Variants in CACHD1 observed in about 807,000 individuals in gnomAD.
The protein encoded by CACHD1 is cache domain containing 1.
A neutral mutation model predicts 138.7 loss-of-function variants in CACHD1; 71 were observed. The ratio of observed to expected loss-of-function variants is 0.51; its 90% confidence interval spans 0.42 to 0.62. The LOEUF (loss-of-function observed/expected upper bound fraction) is 0.62, where lower values mean the gene tolerates loss of function less well. Among genes scored for constraint, CACHD1 ranks in the 20% least tolerant of loss-of-function variants. The pLI, the probability that CACHD1 is intolerant of heterozygous loss-of-function variation, is 0.00. For missense variants in CACHD1, 1,389 were observed against 1,625.3 expected (o/e 0.85, Z 2.50); for synonymous variants, 578 against 591.5 (o/e 0.98, Z 0.33).
chr1:64,577,076 TG>T (rs1259931998), intron 2 of CACHD1, among the ~76,000 whole-genome samples: 1 of 152,062 alleles, frequency 6.6e-6, no homozygotes, highest in Non-Finnish European at 1.5e-5. Context: ...TCTGGGTAGC[TG>T]GGACTACAGA....
In CACHD1 at chr1:64,543,402, C is replaced by CATATATATATATATATATAT. The variant is rs140966471; in HGVS notation, c.199-7187_199-7168dup. Among the ~76,000 whole-genome samples the CATATATATATATATATATAT allele has an allele frequency of 6.0e-3, 757 of 126,716 alleles. 18 individuals are homozygous for CATATATATATATATATATAT. The highest frequency in any genetic ancestry group is 0.015 in the African/African-American group (452 of 30,530). The allele number at this position is 126,716 out of a possible 152,430, so 83.1% of individuals were successfully genotyped here. ...GAGATCCTATCTCTAAAAAAAAATA[C>CATATATATATATATATATAT]ATATATATATATATATATATATATT... On this transcript the variant is annotated intron_variant, in intron 1 of 26. Transcript: ENST00000651257.
At chr1:64,485,406 G>A (rs1244635409) in intron 1 of CACHD1, among the ~76,000 whole-genome samples, 1 of 152,138 alleles carries the variant, frequency 6.6e-6, no homozygotes, top group Non-Finnish European at 1.5e-5. Context: ...GAAACATTAT[G>A]GTGTGCATTT....
chr1:64,620,826 T>C (rs1336118860), intron 4 of CACHD1, among the ~76,000 whole-genome samples: 2 of 152,226 alleles, frequency 1.3e-5, no homozygotes, highest in Admixed American at 1.3e-4. Flanking sequence ...TTTATTTGTA[T>C]GCTTTACAAA....
chr1:64,679,596 T>C lies in CACHD1; in HGVS notation c.3246T>C (p.Gly1082=), dbSNP rs1239380460. The C allele has an allele frequency of 3.7e-6, 6 of 1,613,994 alleles. No homozygotes were observed. The highest frequency in any genetic ancestry group is 4.2e-6 in the Non-Finnish European group (5 of 1,179,968). The change falls in exon 24 of 27, where the codon GGT becomes GGC. Residue 1082 remains glycine, a splice_region_variant and synonymous_variant. Transcript: ENST00000651257. The stretch of plus-strand genomic sequence containing the variant: ...CATCTTCTTGCTCTTTCACTGAAGG[T>C]GATGAGGTGATCACATTAAACATGA... ...SPYVDDMGAI[G]DEVITLNMIK...
chr1:64,580,150 C>T (rs762087948), intron 2 of CACHD1, among the ~76,000 whole-genome samples: 2 of 151,970 alleles, frequency 1.3e-5, no homozygotes, highest in Non-Finnish European at 2.9e-5. Context: ...ATCTAGGCCA[C>T]GTGTGATGGC....
intron 1 of CACHD1, among the ~76,000 whole-genome samples, chr1:64,482,694 C>T (rs553513513): frequency 1.3e-5 from 2 of 152,228 alleles, no homozygotes; most frequent in African/African-American, 2.4e-5. Flanking sequence ...GGGGGGTTAG[C>T]CTGTGTGCTA....
At chr1:64,612,891 G>A (rs1557519408) in intron 4 of CACHD1, among the ~76,000 whole-genome samples, 1 of 152,178 alleles carries the variant, frequency 6.6e-6, no homozygotes, top group Non-Finnish European at 1.5e-5. Flanking sequence ...TAAGGCTGTA[G>A]CTTTCATAGA....
At chr1:64,528,354 A>C (rs1646556519) in intron 1 of CACHD1, among the ~76,000 whole-genome samples, 1 of 152,244 alleles carries the variant, frequency 6.6e-6, no homozygotes, top group African/African-American at 2.4e-5. Context: ...TTAAAAATTA[A>C]ATATGAATGA....
chr1:64,615,432 C>T (rs1557520589), intron 4 of CACHD1, among the ~76,000 whole-genome samples: 1 of 152,182 alleles, frequency 6.6e-6, no homozygotes, highest in Non-Finnish European at 1.5e-5. Flanking sequence ...AGCTATGACT[C>T]TTTATGACTT....
chr1:64,576,349 A>G (rs1046026980), intron 2 of CACHD1, among the ~76,000 whole-genome samples: 2 of 152,176 alleles, frequency 1.3e-5, no homozygotes, highest in African/African-American at 4.8e-5. Flanking sequence ...GGAAGGGTCT[A>G]CATTGGCCCT....
Position 64,480,861 on chromosome 1 carries a change from A to G in CACHD1, c.198+9919A>G, listed in dbSNP as rs139756646. Among the ~76,000 whole-genome samples, 1,153 of 150,908 alleles carry G rather than the reference A, an allele frequency of 7.6e-3. 15 individuals are homozygous for G. Among genetic ancestry groups the G allele is most frequent in the African/African-American group, 0.027 (1,094 of 40,624 alleles). On this transcript the variant is annotated intron_variant, in intron 1 of 26. Coordinates refer to ENST00000651257, the MANE Select transcript of CACHD1 (RefSeq NM_020925.4). The stretch of plus-strand genomic sequence containing the variant: ...TCTCCCTAGTCATTAAGGGGATATG[A>G]AGTTGTTTCTTTCTCTCTCTCTCCC...
chr1:64,482,941 C>A (rs78412668), intron 1 of CACHD1, among the ~76,000 whole-genome samples: 1 of 152,310 alleles, frequency 6.6e-6, no homozygotes, highest in East Asian at 1.9e-4. Context: ...TGTGTCACAT[C>A]ATGAGGACTC....
At chr1:64,516,152 A>G (rs1467577169) in intron 1 of CACHD1, among the ~76,000 whole-genome samples, 1 of 152,248 alleles carries the variant, frequency 6.6e-6, no homozygotes, top group East Asian at 1.9e-4. Context: ...AGGACAAAGT[A>G]ACATGGGTTC....
chr1:64,601,325 C>T (rs1024261798), intron 3 of CACHD1, among the ~76,000 whole-genome samples: 1 of 152,118 alleles, frequency 6.6e-6, no homozygotes, highest in Non-Finnish European at 1.5e-5. Flanking sequence ...AGTGCCTTGC[C>T]AGCATGGACA....
chr1:64,606,103 G>A (rs1395817567), intron 4 of CACHD1, among the ~76,000 whole-genome samples: 2 of 101,918 alleles, frequency 2.0e-5, no homozygotes, highest in African/African-American at 9.2e-5. Flanking sequence ...GTCAGGAGCT[G>A]TAAACACACA....
At chr1:64,604,646 T>C (rs1378273400) in intron 4 of CACHD1, among the ~76,000 whole-genome samples, 1 of 152,182 alleles carries the variant, frequency 6.6e-6, no homozygotes, top group African/African-American at 2.4e-5. Context: ...TCATGGTAAC[T>C]CATGGGTTGT....
intron 1 of CACHD1, among the ~76,000 whole-genome samples, chr1:64,521,407 A>G (rs1646497410): frequency 6.6e-6 from 1 of 152,192 alleles, no homozygotes; most frequent in South Asian, 2.1e-4. Flanking sequence ...CCCATTGGAT[A>G]ATCTCTGAAT....
At chr1:64,676,350 A>G (rs1649991015) in intron 21 of CACHD1, among the ~76,000 whole-genome samples, 1 of 152,214 alleles carries the variant, frequency 6.6e-6, no homozygotes, top group Non-Finnish European at 1.5e-5. Flanking sequence ...TGTTTTTTAC[A>G]CACGTATGAT....
intron 2 of CACHD1, among the ~76,000 whole-genome samples, chr1:64,562,755 C>A (rs1646852023): frequency 6.6e-6 from 1 of 152,026 alleles, no homozygotes; most frequent in African/African-American, 2.4e-5. Context: ...TGTTTCTGTA[C>A]TGAAATTTCT....
Sources: gnomAD v4.1 joint callset for allele counts (sites outside exome capture counted in the v4.1 genomes callset) on GRCh38, gnomAD v4.1.1 for gene constraint, MANE v1.5 for transcripts, NCBI Gene and HGNC (gene_info 2026-07-23, HGNC 2026-07-21) for gene names.